CAST: variants seen among roughly 807,000 people sequenced by gnomAD.
The protein encoded by CAST is calpastatin, also known as MIR583 host.
In CAST, 76 loss-of-function variants were observed where a neutral mutation model predicts 119.6. That is an observed-to-expected ratio of 0.64 (90% CI 0.53 to 0.77). CAST has a LOEUF of 0.77. Among genes scored for constraint, CAST ranks in the 30% least tolerant of loss-of-function variants. The pLI is 0.00. For synonymous variants in CAST, 319 were observed against 331.6 expected (o/e 0.96, Z 0.41); for missense variants, 953 against 946.5 (o/e 1.01, Z -0.09).
At chr5:96,064,315 G>A in the CAST span, among the ~76,000 whole-genome samples, 6 of 152,096 alleles carry the variant, frequency 3.9e-5, no homozygotes, top group African/African-American at 1.4e-4. Context: ...GATTATTTCA[G>A]GGAGTGGAGA....
the CAST span, among the ~76,000 whole-genome samples, chr5:96,148,453 A>T: frequency 6.6e-6 from 1 of 152,170 alleles, no homozygotes; most frequent in African/African-American, 2.4e-5. Flanking sequence ...AAGCTTTTTC[A>T]CCACAATTAT....
intron 1 of CAST, among the ~76,000 whole-genome samples, chr5:96,565,811 T>C (rs778951018): frequency 2.6e-5 from 4 of 152,288 alleles, no homozygotes; most frequent in Middle Eastern, 3.4e-3. Context: ...TACAGGGTAA[T>C]TGGTGCTCAA....
At chr5:96,480,675 CA>C in the CAST span, among the ~76,000 whole-genome samples, 3 of 152,052 alleles carry the variant, frequency 2.0e-5, no homozygotes, top group Non-Finnish European at 4.4e-5. Flanking sequence ...ATCCAGAAGA[CA>C]AAGAAAGAGT....
the CAST span, among the ~76,000 whole-genome samples, chr5:96,235,373 C>G: frequency 6.6e-6 from 1 of 152,200 alleles, no homozygotes; most frequent in East Asian, 1.9e-4. Context: ...ACTTTCCATT[C>G]CCTGGGCATA....
the CAST span, among the ~76,000 whole-genome samples, chr5:96,403,723 C>T: frequency 1.3e-5 from 2 of 152,198 alleles, no homozygotes; most frequent in Non-Finnish European, 2.9e-5. Flanking sequence ...AGTGAAAAGT[C>T]TTAGGAGCTA....
chr5:96,152,805 G>T, the CAST span, among the ~76,000 whole-genome samples: 1 of 152,314 alleles, frequency 6.6e-6, no homozygotes, highest in South Asian at 2.1e-4. Flanking sequence ...GAAGGAGCCT[G>T]TGTTAGGGCT....
At chr5:96,114,483 G>C in the CAST span, among the ~76,000 whole-genome samples, 1 of 152,128 alleles carries the variant, frequency 6.6e-6, no homozygotes, top group Non-Finnish European at 1.5e-5. Flanking sequence ...TAGGAAACTC[G>C]TGAAAAGGTT....
chr5:96,376,919 A>C, the CAST span, among the ~76,000 whole-genome samples: 1 of 152,154 alleles, frequency 6.6e-6, no homozygotes, highest in African/African-American at 2.4e-5. Context: ...GTGGGATAAG[A>C]TGTGGAAGTG....
rs1772161288 is a variant in CAST, at chr5:96,771,162, TTGA to T, written c.2341-480_2341-478del. 2.0e-5 allele frequency among the ~76,000 whole-genome samples: 3 copies of T among 152,216 alleles called. No homozygotes were observed. The South Asian group carries it at 6.2e-4, about 31-fold the overall frequency. On this transcript the variant is annotated intron_variant, in intron 30 of 31. Transcript: ENST00000675179. ...CCCTTAAGGGATATAGGAAACAGCA[TTGA>T]TAATTGGCAGTTATGCCATTATATC...
chr5:96,042,231 G>A, the CAST span, among the ~76,000 whole-genome samples: 9 of 152,268 alleles, frequency 5.9e-5, no homozygotes, highest in East Asian at 1.2e-3. Context: ...ATCCAGCCCT[G>A]TTTGGAAGAG....
At chr5:96,167,895 G>A in the CAST span, among the ~76,000 whole-genome samples, 5 of 152,288 alleles carry the variant, frequency 3.3e-5, no homozygotes, top group African/African-American at 4.8e-5. Flanking sequence ...AAGTGGGTGG[G>A]GGGGCCTGAA....
the CAST span, among the ~76,000 whole-genome samples, chr5:96,357,651 T>G: frequency 4.2e-4 from 64 of 152,336 alleles, no homozygotes; most frequent in South Asian, 2.5e-3. Flanking sequence ...TTGCGTATGT[T>G]GAAGCAGCCT....
the CAST span, chr5:95,973,153 T>A: frequency 5.6e-6 from 1 of 177,698 alleles, no homozygotes; most frequent in Non-Finnish European, 1.2e-5. Context: ...TCCTTTCCAT[T>A]CCTGATGTTG....
At chr5:96,577,957 ATTGTG>A in intron 1 of CAST, among the ~76,000 whole-genome samples, 1 of 152,166 alleles carries the variant, frequency 6.6e-6, no homozygotes, top group East Asian at 1.9e-4. Flanking sequence ...CTGTTTGTGT[ATTGTG>A]TTGTTCAGAT....
chr5:96,479,450 C>CTTTTTTTT, the CAST span, among the ~76,000 whole-genome samples: 7 of 115,294 alleles, frequency 6.1e-5, 1 homozygote, highest in Non-Finnish European at 5.6e-5. Flanking sequence ...CCAGGCACTC[C>CTTTTTTTT]TTATTTTTTT....
chr5:96,671,527 G>A (rs1750071158), intron 1 of CAST, among the ~76,000 whole-genome samples: 1 of 152,090 alleles, frequency 6.6e-6, no homozygotes, highest in Admixed American at 6.5e-5. Flanking sequence ...TATCACCATG[G>A]AGAACATCGC....
the CAST span, among the ~76,000 whole-genome samples, chr5:96,076,196 T>C: frequency 6.6e-6 from 1 of 152,154 alleles, no homozygotes; most frequent in Non-Finnish European, 1.5e-5. Flanking sequence ...AGAATAAAAG[T>C]GTAAAGGAAA....
At chr5:96,689,334 A>G (rs1752452579) in intron 2 of CAST, among the ~76,000 whole-genome samples, 1 of 152,216 alleles carries the variant, frequency 6.6e-6, no homozygotes, top group Admixed American at 6.5e-5. Context: ...GATGTCTGAA[A>G]TTCTACCATT....
chr5:96,711,205 C>T (rs760295441), intron 3 of CAST, among the ~76,000 whole-genome samples: 1 of 151,990 alleles, frequency 6.6e-6, no homozygotes, highest in African/African-American at 2.4e-5. Context: ...AGTAGTAAAC[C>T]ATATTTTCTC....
Sources: allele counts gnomAD v4.1 joint callset (sites outside exome capture counted in the v4.1 genomes callset), GRCh38; gene constraint gnomAD v4.1.1; transcripts MANE v1.5; gene names NCBI Gene and HGNC (gene_info 2026-07-23, HGNC 2026-07-21).